Variants in EP300 observed in about 807,000 individuals in gnomAD.
The protein encoded by EP300 is EP300 lysine acetyltransferase.
Under a neutral mutation model 264.0 loss-of-function variants are expected in EP300, and 31 were observed. The observed-to-expected ratio is 0.12, with a 90% CI of 0.09 to 0.16. The LOEUF is 0.16. Among genes scored for constraint, EP300 ranks in the 10% least tolerant of loss-of-function variants. EP300 has a pLI of 1.00. For missense variants in EP300, 2,766 were observed against 3,052.9 expected (o/e 0.91, Z 2.21); for synonymous variants, 1,340 against 1,045.4 (o/e 1.28, Z -5.44).
chr22:41,178,671 C>T lies in EP300; in HGVS notation c.6960C>T (p.Ser2320=), dbSNP rs1228583426. The T allele has an allele frequency of 6.2e-7, 1 of 1,614,154 alleles. No individual in the cohort carries two copies. Among genetic ancestry groups the T allele is most frequent in the Non-Finnish European group, 8.5e-7 (1 of 1,180,028 alleles). Residue 2320 remains serine (S), a synonymous_variant, in exon 31 of 31, where the codon TCC becomes TCT. Transcript: ENST00000263253. ...CTGTCCCTTCTCCACGGCCACAGTC[C>T]CAGCCCCCCCACTCCAGTCCTTCCC... ...PQPVPSPRPQ[S]QPPHSSPSPR...
rs200624197 is a variant in EP300, at chr22:41,146,768, C to T, written c.2083C>T (p.Arg695Cys). The T allele has an allele frequency of 8.7e-6, 14 of 1,614,092 alleles. No individual in the cohort carries two copies. Among genetic ancestry groups the T allele is most frequent in the South Asian group, 1.1e-5 (1 of 91,070 alleles). The change falls in exon 11 of 31, where the codon CGT becomes TGT. Residue 695 changes from arginine to cysteine, a missense_variant. Arg to Cys is a radical substitution (Grantham distance 180). Coordinates refer to ENST00000263253, the MANE Select transcript of EP300 (RefSeq NM_001429.4). ...CCCTCTACCTGACCCAAGTATGATC[C>T]GTGGCAGTGTGCCAAACCAGATGAT... Reference protein sequence around the residue: ...NGPLPDPSMIRGSVPNQMMPR... With the variant: ...NGPLPDPSMICGSVPNQMMPR...
intron 14 of EP300, 83 bp from the exon 15 acceptor site, chr22:41,151,750 T>C (rs751093761): frequency 5.0e-6 from 7 of 1,401,054 alleles, no homozygotes; most frequent in Non-Finnish European, 7.1e-6. Context: ...AATTCTGCTA[T>C]CCTGTTGCTT....
chr22:41,123,350 A>G (rs572462104), intron 2 of EP300, among the ~76,000 whole-genome samples: 12 of 152,330 alleles, frequency 7.9e-5, no homozygotes, highest in Non-Finnish European at 1.6e-4. Flanking sequence ...AAATCAGTAC[A>G]GGAAATATAT....
At chr22:41,135,578 AGTTAT>A (rs1307960516) in intron 6 of EP300, among the ~76,000 whole-genome samples, 1 of 150,246 alleles carries the variant, frequency 6.7e-6, no homozygotes, top group Non-Finnish European at 1.5e-5. Context: ...TTTTTTTTTA[AGTTAT>A]GTTTCGTTTT....
intron 2 of EP300, among the ~76,000 whole-genome samples, chr22:41,119,179 T>TAATA (rs373043233): frequency 7.6e-6 from 1 of 131,412 alleles, no homozygotes; most frequent in Non-Finnish European, 1.6e-5. Context: ...ATTATTATTT[T>TAATA]TTTTTTTTTT....
chr22:41,133,173 C>T (rs1054585705), intron 6 of EP300, among the ~76,000 whole-genome samples: 4 of 143,420 alleles, frequency 2.8e-5, no homozygotes, highest in South Asian at 4.7e-4. Flanking sequence ...ACCCCCACCC[C>T]GGAAACAGAG....
At position 41,179,075 on chromosome 22, in the gene EP300, TAAG is replaced by T. The variant is rs1185512658; in HGVS notation, c.*122_*124del. On this transcript the variant is annotated 3_prime_UTR_variant, in exon 31 of 31. Coordinates refer to ENST00000263253, the MANE Select transcript of EP300 (RefSeq NM_001429.4). ...AAAAGACAATTTTCCTTGGAACACA[TAAG>T]AACTGTGCAGTAGCCGTTTGTGGTT... The T allele has an allele frequency of 1.5e-5, 19 of 1,231,554 alleles. No homozygotes were observed. Among genetic ancestry groups the T allele is most frequent in the Non-Finnish European group, 2.2e-5 (19 of 874,376 alleles). The allele number at this position is 1,231,554 out of a possible 1,614,324, so 76.3% of individuals were successfully genotyped here.
In EP300 at chr22:41,153,072, C is replaced by T. The variant is rs2059056396; in HGVS notation, c.3142+722C>T. On this transcript the variant is annotated intron_variant, in intron 16 of 30. Coordinates refer to ENST00000263253, the MANE Select transcript of EP300 (RefSeq NM_001429.4). ...CACCCGGCCTCATTTAATAATTTCA[C>T]AACAGCTCTGAGGTTATTGGCCTGA... is the stretch of plus-strand genomic sequence containing the variant. Among the ~76,000 whole-genome samples the T allele has an allele frequency of 2.0e-5, 3 of 152,098 alleles. No individual in the cohort carries two copies. The South Asian group carries it at 6.2e-4, about 31-fold the overall frequency.
In EP300 at chr22:41,178,012, C is replaced by T. The variant is rs747661904; in HGVS notation, c.6301C>T (p.Pro2101Ser). The T allele has an allele frequency of 3.1e-6, 5 of 1,614,200 alleles. No individual in the cohort carries two copies. Among genetic ancestry groups the T allele is most frequent in the African/African-American group, 1.3e-5 (1 of 75,048 alleles). Residue 2101 changes from proline to serine, a missense_variant, in exon 31 of 31, where the codon CCT becomes TCT. Coordinates refer to ENST00000263253, the MANE Select transcript of EP300 (RefSeq NM_001429.4). ...TGCCAACTCTAATCCACAACCCATC[C>T]CTGGGCAGCCTGGCATGCCCCAGGG... is the stretch of plus-strand genomic sequence containing the variant. ...KYANSNPQPI[P>S]GQPGMPQGQP...
At chr22:41,135,529 A>AT (rs1303535754) in intron 6 of EP300, among the ~76,000 whole-genome samples, 1 of 148,934 alleles carries the variant, frequency 6.7e-6, no homozygotes, top group African/African-American at 2.5e-5. Flanking sequence ...AAGTGCTGAG[A>AT]TTACAGGCGT....
intron 13 of EP300, among the ~76,000 whole-genome samples, chr22:41,149,467 G>T (rs2059030596): frequency 6.6e-6 from 1 of 152,034 alleles, no homozygotes; most frequent in East Asian, 1.9e-4. Flanking sequence ...AGGAAATCTG[G>T]CTGAAAAGAG....
intron 1 of EP300, among the ~76,000 whole-genome samples, chr22:41,099,778 G>C (rs1174451498): frequency 6.6e-6 from 1 of 152,126 alleles, no homozygotes; most frequent in East Asian, 1.9e-4. Flanking sequence ...CTCAAGCATT[G>C]CCCTGCCCCA....
At position 41,092,916 on chromosome 22, in the gene EP300, C is replaced by A; in HGVS notation, c.-89C>A. On this transcript the variant is annotated 5_prime_UTR_variant, in exon 1 of 31. Transcript: ENST00000263253. ...GTGCCGTCGGAGCCCCCCAGCCCAC[C>A]CCTGGGTGCGGCGCGGGGACCCCGG... 2 of 1,476,584 alleles carry A rather than the reference C, an allele frequency of 1.4e-6. No homozygotes were observed. Among genetic ancestry groups the A allele is most frequent in the Non-Finnish European group, 1.9e-6 (2 of 1,055,950 alleles). 91.5% of individuals were successfully genotyped at this position (1,476,584 alleles called of 1,614,324 possible).
intron 1 of EP300, among the ~76,000 whole-genome samples, 161 bp from the exon 2 acceptor site, chr22:41,117,026 A>G (rs1382502200): frequency 1.3e-5 from 2 of 152,230 alleles, no homozygotes; most frequent in African/African-American, 2.4e-5. Context: ...GCACCACTGC[A>G]CTCCAGCCTG....
intron 8 of EP300, among the ~76,000 whole-genome samples, chr22:41,138,873 T>C (rs976761561): frequency 6.6e-5 from 10 of 152,228 alleles, no homozygotes; most frequent in African/African-American, 2.2e-4. Flanking sequence ...CTACCAATTA[T>C]ATACGTTTCA....
chr22:41,159,465 T>C (rs1176910087), intron 19 of EP300: 1 of 152,226 alleles, frequency 6.6e-6, no homozygotes, highest in Non-Finnish European at 1.5e-5. Context: ...AAGGTGGGAC[T>C]CAAGTTGTTA....
chr22:41,147,177 G>A (rs1034215331), intron 11 of EP300, among the ~76,000 whole-genome samples: 1 of 152,006 alleles, frequency 6.6e-6, no homozygotes, highest in East Asian at 1.9e-4. Flanking sequence ...GTAGTGGCAC[G>A]GGCCTGTAAT....
Position 41,166,632 on chromosome 22 carries a change from A to G in EP300, c.3840A>G (p.Ala1280=). 4 of 1,613,040 alleles carry G rather than the reference A, an allele frequency of 2.5e-6. No homozygotes were observed. The highest frequency in any genetic ancestry group is 3.4e-6 in the Non-Finnish European group (4 of 1,179,572). Reference sequence around the variant, plus strand: ...GTGATGGCTGTTTAAAGAAAAGTGCACGAACTAGGAAAGAAAATAAGTTTT... The same window carrying G: ...GTGATGGCTGTTTAAAGAAAAGTGCGCGAACTAGGAAAGAAAATAAGTTTT... The part of the protein sequence containing the change: ...FVCDGCLKKS[A]RTRKENKFSA... The change falls in exon 23 of 31, where the codon GCA becomes GCG. Residue 1280 remains alanine, a synonymous_variant. Transcript: ENST00000263253.
intron 1 of EP300, among the ~76,000 whole-genome samples, chr22:41,100,746 C>T (rs1195373210): frequency 2.0e-5 from 3 of 152,222 alleles, no homozygotes; most frequent in East Asian, 1.9e-4. Flanking sequence ...TACATGTCCC[C>T]TTTATATCAG....
Sources: allele counts gnomAD v4.1 joint callset (sites outside exome capture counted in the v4.1 genomes callset), GRCh38; gene constraint gnomAD v4.1.1; transcripts MANE v1.5; gene names NCBI Gene and HGNC (gene_info 2026-07-23, HGNC 2026-07-21).